Variants in IMPG1 observed in about 807,000 individuals in gnomAD.
IMPG1 encodes the protein interphotoreceptor matrix proteoglycan of 150 kDa.
A neutral mutation model predicts 92.0 loss-of-function variants in IMPG1; 85 were observed. That is an observed-to-expected ratio of 0.92 (90% CI 0.78 to 1.11). The LOEUF (loss-of-function observed/expected upper bound fraction) is 1.11. Ranked by LOEUF, IMPG1 falls within the 50% of genes least tolerant of loss-of-function variation. The pLI is 0.00. For missense variants in IMPG1, 1,022 were observed against 956.0 expected (o/e 1.07, Z -0.91); for synonymous variants, 367 against 334.1 (o/e 1.10, Z -1.08).
intron 2 of IMPG1, among the ~76,000 whole-genome samples, chr6:76,039,780 G>C (rs1474863829): frequency 6.6e-6 from 1 of 152,208 alleles, no homozygotes; most frequent in African/African-American, 2.4e-5. Context: ...CTGGGGCACA[G>C]AGTTCAGCCT....
chr6:75,972,347 C>T (rs370516926), intron 12 of IMPG1, among the ~76,000 whole-genome samples: 1 of 152,148 alleles, frequency 6.6e-6, no homozygotes, highest in Admixed American at 6.5e-5. Context: ...TTGAACTTTA[C>T]CTGAGCTTTA....
At chr6:76,007,410 T>C in intron 9 of IMPG1, 70 bp downstream of exon 9, 2 of 1,161,542 alleles carry the variant, frequency 1.7e-6, no homozygotes, top group East Asian at 2.4e-5. Flanking sequence ...AAATTATTTG[T>C]GCAAAATCAG....
chr6:75,937,577 G>A (rs909765456), intron 14 of IMPG1, among the ~76,000 whole-genome samples: 2 of 152,200 alleles, frequency 1.3e-5, no homozygotes, highest in Non-Finnish European at 2.9e-5. Context: ...CAGCTGTACA[G>A]TGGGGGGAAA....
chr6:76,008,856 C>G (rs1162735164), intron 8 of IMPG1, among the ~76,000 whole-genome samples: 2 of 152,206 alleles, frequency 1.3e-5, no homozygotes, highest in Admixed American at 6.5e-5. Flanking sequence ...ACTCATCCTA[C>G]TGTGCGATCC....
chr6:75,966,026 G>A (rs574572038), intron 12 of IMPG1, among the ~76,000 whole-genome samples: 28 of 152,058 alleles, frequency 1.8e-4, no homozygotes, highest in South Asian at 4.2e-4. Flanking sequence ...ACTTTGTTCC[G>A]TCTAGGATAT....
At chr6:76,003,665 G>C (rs1783039881) in intron 11 of IMPG1, among the ~76,000 whole-genome samples, 1 of 152,096 alleles carries the variant, frequency 6.6e-6, no homozygotes, top group South Asian at 2.1e-4. Context: ...TTTGAACTTT[G>C]AGATATTTAA....
At chr6:75,998,932 C>G (rs1295596148) in intron 12 of IMPG1, among the ~76,000 whole-genome samples, 1 of 152,090 alleles carries the variant, frequency 6.6e-6, no homozygotes, top group African/African-American at 2.4e-5. Context: ...TCTTGGCTCA[C>G]TGCAACCTCT....
At chr6:76,002,774 G>A (rs1322831760) in intron 12 of IMPG1, 144 bp downstream of exon 12, 5 of 653,640 alleles carry the variant, frequency 7.6e-6, no homozygotes, top group African/African-American at 1.8e-5. Context: ...TCAATGGACT[G>A]CTTTTCTGTT....
rs778311318 is a variant in IMPG1, at chr6:76,034,347, C to T, written c.469-4G>A. 34 of 1,611,988 alleles carry T rather than the reference C, an allele frequency of 2.1e-5. No homozygotes were observed. The highest frequency in any genetic ancestry group is 2.2e-5 in the Non-Finnish European group (26 of 1,178,390). ...GGAAACTTCTCTGTTTTATTCTCTG[C>T]AAAAAGATAAAGATAAAATGTAATT... On this transcript the variant is annotated splice_polypyrimidine_tract_variant and splice_region_variant and intron_variant, in intron 3 of 16. Coordinates refer to ENST00000369950, the MANE Select transcript of IMPG1 (RefSeq NM_001563.4).
intron 8 of IMPG1, among the ~76,000 whole-genome samples, chr6:76,008,531 C>T (rs1231795768): frequency 6.6e-6 from 1 of 152,182 alleles, no homozygotes; most frequent in East Asian, 1.9e-4. Flanking sequence ...AACCCTCCTT[C>T]TGCGGAGGCA....
chr6:75,977,094 A>C (rs6904542), intron 12 of IMPG1, among the ~76,000 whole-genome samples: 76,722 of 151,854 alleles, frequency 0.51, 20,039 homozygotes, highest in East Asian at 0.72. Context: ...ATATTGAAGG[A>C]CAGCTGTTAC....
intron 1 of IMPG1, among the ~76,000 whole-genome samples, chr6:76,044,411 A>C (rs1783897609): frequency 6.6e-6 from 1 of 152,140 alleles, no homozygotes; most frequent in African/African-American, 2.4e-5. Context: ...GTGCCCCTAC[A>C]TGCCTGCCCT....
chr6:76,041,876 T>C lies in IMPG1; in HGVS notation c.301+17A>G. Reference sequence around the variant, plus strand: ...TGGAAATAACACAAGGCTAAACGGTTTCATCTCTTTCCTTACCTCTCAATC... The same window carrying C: ...TGGAAATAACACAAGGCTAAACGGTCTCATCTCTTTCCTTACCTCTCAATC... On this transcript the variant is annotated intron_variant, in intron 2 of 16. Transcript: ENST00000369950. 1 of 1,513,320 alleles carries C rather than the reference T, an allele frequency of 6.6e-7. No homozygotes were observed. Among genetic ancestry groups the C allele is most frequent in the South Asian group, 1.1e-5 (1 of 88,962 alleles). The allele number at this position is 1,513,320 out of a possible 1,614,324, so 93.7% of individuals were successfully genotyped here. A position where few individuals can be genotyped will look rare whatever the true frequency, so the allele number is the denominator to read the frequency against.
rs1164895760 is a variant in IMPG1, at chr6:76,025,195, T to C, written c.561A>G (p.Thr187=). 6.3e-7 allele frequency: 1 copy of C among 1,579,746 alleles called. No individual in the cohort carries two copies. Among genetic ancestry groups the C allele is most frequent in the Non-Finnish European group, 8.7e-7 (1 of 1,150,350 alleles). ...CAAAGAAATTAGATCTAAGCTTACCTGTTGAAATGACAATGGTTTCACCAG... is the reference window on the plus strand; with the variant it reads ...CAAAGAAATTAGATCTAAGCTTACCCGTTGAAATGACAATGGTTTCACCAG... ...GEPGETIVIS[T]DVANVSLGPF... Residue 187 remains threonine (T), a splice_region_variant and synonymous_variant, in exon 5 of 17, where the codon ACA becomes ACG. Transcript: ENST00000369950.
At chr6:75,928,133 CTCT>C (rs1781591175) in intron 15 of IMPG1, among the ~76,000 whole-genome samples, 1 of 152,126 alleles carries the variant, frequency 6.6e-6, no homozygotes. Context: ...GCATGCAACC[CTCT>C]TCTTATTCAC....
At chr6:76,065,549 A>T (rs1228915562) in intron 1 of IMPG1, among the ~76,000 whole-genome samples, 7 of 152,096 alleles carry the variant, frequency 4.6e-5, no homozygotes, top group African/African-American at 1.4e-4. Context: ...AAAAAATTTT[A>T]AAAAGGACAA....
intron 12 of IMPG1, among the ~76,000 whole-genome samples, chr6:75,955,656 G>C (rs903815888): frequency 2.6e-5 from 4 of 152,210 alleles, no homozygotes; most frequent in African/African-American, 9.6e-5. Context: ...AATGGTGAGA[G>C]AGGGCATCCT....
At chr6:76,020,256 T>C (rs1783395370) in intron 6 of IMPG1, among the ~76,000 whole-genome samples, 1 of 152,092 alleles carries the variant, frequency 6.6e-6, no homozygotes, top group African/African-American at 2.4e-5. Context: ...TCTCCCAGTC[T>C]CGCCTAGGCT....
chr6:75,930,151 C>A (rs1781639383), intron 15 of IMPG1, among the ~76,000 whole-genome samples: 1 of 152,172 alleles, frequency 6.6e-6, no homozygotes, highest in Admixed American at 6.5e-5. Flanking sequence ...TTGTATCTTG[C>A]CTCCTTTTCC....
Sources: gnomAD v4.1 joint callset for allele counts (sites outside exome capture counted in the v4.1 genomes callset) on GRCh38, gnomAD v4.1.1 for gene constraint, MANE v1.5 for transcripts, NCBI Gene and HGNC (gene_info 2026-07-23, HGNC 2026-07-21) for gene names.